Variants in LIN52 observed in about 807,000 individuals in gnomAD.
The protein encoded by LIN52 is protein lin-52 homolog.
In LIN52, 4 loss-of-function variants were observed where a neutral mutation model predicts 18.5. The ratio of observed to expected loss-of-function variants is 0.22; its 90% CI spans 0.11 to 0.49. The LOEUF is 0.49. Among genes scored for constraint, LIN52 ranks in the 20% least tolerant of loss-of-function variants. LIN52 has a pLI of 0.97. For synonymous variants in LIN52, 34 were observed against 45.5 expected, an observed-to-expected ratio of 0.75 and a Z score of 1.02; for missense variants, 102 against 139.5, an observed-to-expected ratio of 0.73 and a Z score of 1.35.
At chr14:74,161,660 C>T (rs1005835940) in intron 5 of LIN52, among the ~76,000 whole-genome samples, 2 of 152,146 alleles carry the variant, frequency 1.3e-5, no homozygotes, top group African/African-American at 4.8e-5. Flanking sequence ...GAGGTTCAGC[C>T]CTCTGAAGGG....
intron 5 of LIN52, among the ~76,000 whole-genome samples, chr14:74,175,750 A>ACC (rs71115967): frequency 1.5e-4 from 13 of 84,892 alleles, no homozygotes; most frequent in African/African-American, 3.2e-4. Flanking sequence ...ACACACACAC[A>ACC]CCCCCATTAT....
intron 5 of LIN52, among the ~76,000 whole-genome samples, chr14:74,138,824 T>C (rs183589964): frequency 1.6e-3 from 237 of 151,186 alleles, no homozygotes; most frequent in Middle Eastern, 0.011. Context: ...TTTAAACTAC[T>C]ATCAGGGTTA....
At position 74,087,211 on chromosome 14, in the gene LIN52, C is replaced by T. The variant is rs552727555; in HGVS notation, c.19+2218C>T. On this transcript the variant is annotated intron_variant, in intron 1 of 5. Coordinates refer to ENST00000555028, the MANE Select transcript of LIN52 (RefSeq NM_001024674.3). ...TGGGTGGATCACGAGGTCAGGAGAT[C>T]GAGACCATCCTGGCTAACACAGTGA... Among the ~76,000 whole-genome samples, 4 of 151,874 alleles carry T rather than the reference C, an allele frequency of 2.6e-5. No homozygotes were observed. In the South Asian group the frequency reaches 8.3e-4, roughly 31 times the overall value.
intron 5 of LIN52, among the ~76,000 whole-genome samples, chr14:74,172,717 GA>G (rs748927735): frequency 1.3e-5 from 2 of 152,168 alleles, no homozygotes; most frequent in Non-Finnish European, 1.5e-5. Context: ...TGGAGCCAGT[GA>G]GCACTTTGCC....
chr14:74,169,084 G>A (rs1206475669), intron 5 of LIN52, among the ~76,000 whole-genome samples: 1 of 152,106 alleles, frequency 6.6e-6, no homozygotes, highest in Admixed American at 6.6e-5. Context: ...GGAGAGAAAG[G>A]AATGTTAAAA....
intron 5 of LIN52, among the ~76,000 whole-genome samples, chr14:74,158,419 C>A (rs2061210161): frequency 6.6e-6 from 1 of 151,158 alleles, no homozygotes; most frequent in Admixed American, 6.6e-5. Context: ...GGCCCGCCCC[C>A]TACTGCTGTC....
In LIN52 at chr14:74,092,928, C is replaced by G. The variant is rs906343672; in HGVS notation, c.94+1622C>G. On this transcript the variant is annotated intron_variant, in intron 2 of 5. Transcript: ENST00000555028. ...AAAGACTCTTTCTCAAAAAAATCCCCCAAACTACACTTATTTGTTTGTTTG... is the reference window on the plus strand; with the variant it reads ...AAAGACTCTTTCTCAAAAAAATCCCGCAAACTACACTTATTTGTTTGTTTG... Among the ~76,000 whole-genome samples the G allele has an allele frequency of 2.6e-5, 4 of 151,718 alleles. No individual in the cohort carries two copies. The East Asian group carries it at 8.0e-4, about 30-fold the overall frequency.
In LIN52 at chr14:74,101,137, T is replaced by C; in HGVS notation, c.200-18T>C. On this transcript the variant is annotated intron_variant, in intron 4 of 5. Coordinates refer to ENST00000555028, the MANE Select transcript of LIN52 (RefSeq NM_001024674.3). ...AGAGTGGAAAGAAATGATGTTGAAA[T>C]AAATGATTCTGTTTCAGAACTGGGG... 1.2e-6 allele frequency: 2 copies of C among 1,601,978 alleles called. No individual in the cohort carries two copies. The highest frequency in any genetic ancestry group is 8.5e-7 in the Non-Finnish European group (1 of 1,171,722).
chr14:74,189,395 T>C (rs959655302), intron 5 of LIN52, among the ~76,000 whole-genome samples: 5 of 152,228 alleles, frequency 3.3e-5, no homozygotes, highest in African/African-American at 7.2e-5. Context: ...TTTCATTCAA[T>C]TGAGTTGTAC....
chr14:74,091,372 T>A (rs1253151731), intron 2 of LIN52, 66 bp downstream of exon 2: 1 of 1,090,770 alleles, frequency 9.2e-7, no homozygotes, highest in African/African-American at 1.6e-5. Flanking sequence ...TTAAAGAGAT[T>A]TTTAAAGAGT....
chr14:74,171,018 CAAA>C (rs11424527), intron 5 of LIN52, among the ~76,000 whole-genome samples: 9 of 123,552 alleles, frequency 7.3e-5, no homozygotes, highest in Admixed American at 1.7e-4. Context: ...CCGTCTGTAC[CAAA>C]AAAAAAAAAA....
intron 5 of LIN52, among the ~76,000 whole-genome samples, chr14:74,169,038 A>G (rs1188250510): frequency 6.6e-6 from 1 of 152,246 alleles, no homozygotes; most frequent in East Asian, 1.9e-4. Flanking sequence ...TGGGCAACAG[A>G]GTGTGACTCT....
intron 5 of LIN52, among the ~76,000 whole-genome samples, chr14:74,115,165 A>G (rs1337701861): frequency 6.6e-6 from 1 of 152,226 alleles, no homozygotes; most frequent in Non-Finnish European, 1.5e-5. Context: ...TATGACTGCA[A>G]TTTACATGCA....
chr14:74,149,777 G>A (rs887565866), intron 5 of LIN52, among the ~76,000 whole-genome samples: 6 of 152,142 alleles, frequency 3.9e-5, no homozygotes, highest in African/African-American at 7.2e-5. Flanking sequence ...AGGAGAACCT[G>A]GATGAAAGAA....
At chr14:74,109,145 A>C (rs2060913183) in intron 5 of LIN52, among the ~76,000 whole-genome samples, 4 of 152,130 alleles carry the variant, frequency 2.6e-5, no homozygotes, top group Admixed American at 2.6e-4. Context: ...CGTTTGTTGA[A>C]AAGACTATCC....
At chr14:74,187,886 C>T (rs1172245781) in intron 5 of LIN52, among the ~76,000 whole-genome samples, 2 of 152,146 alleles carry the variant, frequency 1.3e-5, no homozygotes, top group African/African-American at 4.8e-5. Context: ...CCAATCCCCA[C>T]TTAACAGAGG....
At chr14:74,119,743 G>A (rs1265668612) in intron 5 of LIN52, among the ~76,000 whole-genome samples, 1 of 151,422 alleles carries the variant, frequency 6.6e-6, no homozygotes, top group African/African-American at 2.4e-5. Context: ...CTTTTTGTAT[G>A]TTTATTGGCC....
At chr14:74,190,217 C>G (rs923170378) in intron 5 of LIN52, among the ~76,000 whole-genome samples, 4 of 152,084 alleles carry the variant, frequency 2.6e-5, no homozygotes, top group African/African-American at 9.6e-5. Flanking sequence ...TGATAAAGAG[C>G]CAAGATACCC....
intron 5 of LIN52, among the ~76,000 whole-genome samples, chr14:74,161,087 A>G (rs1421443816): frequency 6.6e-6 from 1 of 152,226 alleles, no homozygotes; most frequent in Admixed American, 6.5e-5. Flanking sequence ...GGATTTGGGG[A>G]TAGACCTTAA....
Sources: allele counts gnomAD v4.1 joint callset (sites outside exome capture counted in the v4.1 genomes callset), GRCh38; gene constraint gnomAD v4.1.1; transcripts MANE v1.5; gene names NCBI Gene and HGNC (gene_info 2026-07-23, HGNC 2026-07-21).